HAUS6: variants seen among roughly 807,000 people sequenced by gnomAD.
HAUS6 encodes HAUS augmin like complex subunit 6, also known as HAUS augmin-like complex subunit 6.
HAUS6 carries 80 observed loss-of-function variants against 106.8 expected under a neutral mutation model. The observed-to-expected ratio is 0.75, with a 90% confidence interval of 0.63 to 0.90. HAUS6 has a LOEUF of 0.90. Ranked by LOEUF, HAUS6 falls within the 40% of genes least tolerant of loss-of-function variation. The pLI is 0.00. For synonymous variants in HAUS6, 356 were observed against 379.1 expected (o/e 0.94, Z 0.71); for missense variants, 1,155 against 1,118.1 (o/e 1.03, Z -0.47).
rs1315787025 is a variant in HAUS6, at chr9:19,053,843, A to G, written c.*2500T>C. 1 of 152,132 alleles carries G rather than the reference A, an allele frequency of 6.6e-6. No homozygotes were observed. The highest frequency in any genetic ancestry group is 1.5e-5 in the Non-Finnish European group (1 of 68,014). The allele number at this position is 152,132 out of a possible 1,614,324, so 9.4% of individuals were successfully genotyped here. ...TAAAGATGACACATGGCCTTGGGGT[A>G]TATGTATGTGTGTGAATACATACTC... On this transcript the variant is annotated 3_prime_UTR_variant, in exon 17 of 17. Transcript: ENST00000380502.
intron 4 of HAUS6, among the ~76,000 whole-genome samples, chr9:19,090,978 T>C (rs967919571): frequency 1.3e-5 from 2 of 152,166 alleles, no homozygotes; most frequent in Non-Finnish European, 2.9e-5. Flanking sequence ...TAACATTGCT[T>C]ATCCAGGTTC....
In HAUS6 at chr9:19,088,143, A is replaced by T. The variant is rs545955537; in HGVS notation, c.585-987T>A. ...TAAAAGTAATACACTGGTAGGGTAC[A>T]GTGGCTCACGCCTATAATCCCAGCA... On this transcript the variant is annotated intron_variant, in intron 5 of 16. Coordinates refer to ENST00000380502, the MANE Select transcript of HAUS6 (RefSeq NM_017645.5). Among the ~76,000 whole-genome samples, 31 of 152,338 alleles carry T rather than the reference A, an allele frequency of 2.0e-4. No homozygotes were observed. The South Asian group carries it at 6.0e-3, about 30-fold the overall frequency.
chr9:19,081,497 T>C (rs1205082241), intron 8 of HAUS6, among the ~76,000 whole-genome samples: 1 of 152,084 alleles, frequency 6.6e-6, no homozygotes, highest in Non-Finnish European at 1.5e-5. Context: ...CTGGGTGCAG[T>C]GGCTCAATCT....
At chr9:19,075,379 A>G (rs546771307) in intron 11 of HAUS6, among the ~76,000 whole-genome samples, 2 of 152,244 alleles carry the variant, frequency 1.3e-5, no homozygotes, top group Non-Finnish European at 2.9e-5. Context: ...GGTGAATTGT[A>G]TATGTGAATT....
rs1241556041 is a variant in HAUS6 at position 19,058,887 on chromosome 9, A to G, written c.1880T>C (p.Val627Ala). 1 of 1,604,828 alleles carries G rather than the reference A, an allele frequency of 6.2e-7. No homozygotes were observed. The highest frequency in any genetic ancestry group is 1.7e-5 in the Admixed American group (1 of 60,006). ...HREVLPESLP[V>A]LHNQREFSMA... ...GCTAAATTCTCTTTGATTGTGCAAC[A>G]CAGGTAATGATTCTGGCAATACTTC... Residue 627 changes from valine to alanine, a missense_variant, in exon 16 of 17, where the codon GTG (valine) becomes GCG (alanine). Physicochemically the swap from Val to Ala is moderately conservative, Grantham distance 64. Transcript: ENST00000380502.
At chr9:19,095,243 T>A (rs1266113857) in intron 2 of HAUS6, among the ~76,000 whole-genome samples, 3 of 152,004 alleles carry the variant, frequency 2.0e-5, no homozygotes, top group African/African-American at 7.2e-5. Flanking sequence ...AATATTAGGG[T>A]TTAAAATTTA....
At chr9:19,082,514 C>G (rs1278199094) in intron 8 of HAUS6, among the ~76,000 whole-genome samples, 1 of 152,070 alleles carries the variant, frequency 6.6e-6, no homozygotes. Context: ...TTTGGGAGGC[C>G]AAGGTGGGTG....
intron 12 of HAUS6, chr9:19,063,840 G>A: frequency 1.6e-6 from 1 of 641,456 alleles, no homozygotes; most frequent in South Asian, 1.4e-5. Context: ...TGATTTGAAA[G>A]AGTTAAGTGA....
chr9:19,093,085 C>A, intron 4 of HAUS6, 86 bp downstream of exon 4: 1 of 962,124 alleles, frequency 1.0e-6, no homozygotes, highest in Non-Finnish European at 1.5e-6. Flanking sequence ...CTTGATTTTA[C>A]TAAGATCTCT....
chr9:19,078,050 A>C (rs1464372325), intron 10 of HAUS6, 126 bp downstream of exon 10: 2 of 697,692 alleles, frequency 2.9e-6, no homozygotes, highest in African/African-American at 1.8e-5. Flanking sequence ...TGATCGTGCC[A>C]CTGTACTCCA....
intron 9 of HAUS6, among the ~76,000 whole-genome samples, chr9:19,079,482 C>A (rs1028251991): frequency 1.3e-5 from 2 of 151,862 alleles, no homozygotes; most frequent in African/African-American, 4.8e-5. Flanking sequence ...CCACCTGCCT[C>A]AGTCTCCCAA....
chr9:19,089,723 C>A (rs999286620), intron 4 of HAUS6, 164 bp from the exon 5 acceptor site: 33 of 512,728 alleles, frequency 6.4e-5, no homozygotes, highest in African/African-American at 4.3e-4. Context: ...CTAATAAATA[C>A]CAAAAATGTT....
intron 7 of HAUS6, among the ~76,000 whole-genome samples, 155 bp from the exon 8 acceptor site, chr9:19,083,198 G>A (rs1335494362): frequency 6.6e-6 from 1 of 151,984 alleles, no homozygotes; most frequent in Admixed American, 6.6e-5. Context: ...AGTCCCTTTG[G>A]ATATTATTTC....
At chr9:19,090,643 G>A (rs1167784100) in intron 4 of HAUS6, among the ~76,000 whole-genome samples, 1 of 152,182 alleles carries the variant, frequency 6.6e-6, no homozygotes, top group Non-Finnish European at 1.5e-5. Context: ...GATTATAGGC[G>A]TGAGCCACCT....
Position 19,058,335 on chromosome 9 carries a change from G to A in HAUS6, c.2432C>T (p.Thr811Ile). 4 of 1,613,814 alleles carry A rather than the reference G, an allele frequency of 2.5e-6. No homozygotes were observed. In the East Asian group the frequency reaches 8.9e-5, roughly 36 times the overall value. ...LEPNSPMHGG[T>I]LLEDVVGGRQ... ...CCCTCCCACAACATCTTCTAGAAGA[G>A]TGCCACCATGCATAGGACTATTTGG... The change falls in exon 16 of 17, where the codon ACT becomes ATT. Residue 811 changes from threonine to isoleucine, a missense_variant. Thr to Ile is a moderately conservative substitution (Grantham distance 89). Coordinates refer to ENST00000380502, the MANE Select transcript of HAUS6 (RefSeq NM_017645.5).
intron 7 of HAUS6, among the ~76,000 whole-genome samples, chr9:19,085,344 T>G (rs1180203440): frequency 6.6e-6 from 1 of 152,174 alleles, no homozygotes; most frequent in Non-Finnish European, 1.5e-5. Context: ...TTATTTTAAT[T>G]ATATAATTTG....
intron 7 of HAUS6, among the ~76,000 whole-genome samples, chr9:19,083,801 C>CA (rs1207422147): frequency 4.2e-4 from 23 of 54,462 alleles, no homozygotes; most frequent in Admixed American, 1.2e-3. Context: ...GACTCCATCT[C>CA]AAAAAAAAAA....
intron 8 of HAUS6, among the ~76,000 whole-genome samples, chr9:19,080,909 C>T (rs936341775): frequency 1.3e-5 from 2 of 152,018 alleles, no homozygotes; most frequent in Non-Finnish European, 2.9e-5. Flanking sequence ...CCTGTCTCTA[C>T]TAAAAATACA....
At chr9:19,097,088 T>A (rs967211520) in intron 1 of HAUS6, among the ~76,000 whole-genome samples, 1 of 152,146 alleles carries the variant, frequency 6.6e-6, no homozygotes, top group Non-Finnish European at 1.5e-5. Context: ...ATTTACTGAA[T>A]AACAATAAAT....
Sources: gnomAD v4.1 joint callset for allele counts (sites outside exome capture counted in the v4.1 genomes callset) on GRCh38, gnomAD v4.1.1 for gene constraint, MANE v1.5 for transcripts, NCBI Gene and HGNC (gene_info 2026-07-23, HGNC 2026-07-21) for gene names.